Variants in CEP128 observed in about 807,000 individuals in gnomAD.
CEP128 encodes the protein centrosomal protein 128.
Under a neutral mutation model 156.7 loss-of-function variants are expected in CEP128, and 132 were observed. The observed-to-expected ratio is 0.84, with a 90% CI of 0.73 to 0.97. CEP128 has a LOEUF of 0.97. Among genes scored for constraint, CEP128 ranks in the 50% least tolerant of loss-of-function variants. The pLI is 0.00. For missense variants in CEP128, 1,252 were observed against 1,281.9 expected, an observed-to-expected ratio of 0.98 and a Z score of 0.36; for synonymous variants, 469 against 448.9, an observed-to-expected ratio of 1.04 and a Z score of -0.57.
intron 8 of CEP128, among the ~76,000 whole-genome samples, chr14:80,888,054 A>T (rs967020178): frequency 2.6e-5 from 4 of 152,206 alleles, no homozygotes; most frequent in African/African-American, 9.6e-5. Context: ...TCCTGGACAC[A>T]AACACCCTCC....
intron 19 of CEP128, among the ~76,000 whole-genome samples, chr14:80,610,704 C>G (rs189778034): frequency 6.6e-6 from 1 of 152,226 alleles, no homozygotes; most frequent in Non-Finnish European, 1.5e-5. Context: ...ATTCCACAGC[C>G]ATACTTTCAC....
intron 13 of CEP128, among the ~76,000 whole-genome samples, chr14:80,805,924 A>T (rs901520292): frequency 4.6e-5 from 7 of 152,214 alleles, no homozygotes; most frequent in Admixed American, 2.0e-4. Context: ...TTAACATTTT[A>T]GTCAATTCTT....
intron 4 of CEP128, among the ~76,000 whole-genome samples, chr14:80,913,826 A>G (rs765840665): frequency 6.6e-6 from 1 of 152,204 alleles, no homozygotes; most frequent in Admixed American, 6.5e-5. Flanking sequence ...TACATTGTAC[A>G]CTATTTGGAT....
rs528919981 is a variant in CEP128, at chr14:80,583,583, T to C, written c.2807-3160A>G. On this transcript the variant is annotated intron_variant, in intron 19 of 24. Coordinates refer to ENST00000555265, the MANE Select transcript of CEP128 (RefSeq NM_152446.5). Reference sequence around the variant, plus strand: ...TTTCTCCTTCTGAAGCCACACCTTATATTAGCCTGGTGTTTCGAAGTCTGT... The same window carrying C: ...TTTCTCCTTCTGAAGCCACACCTTACATTAGCCTGGTGTTTCGAAGTCTGT... Among the ~76,000 whole-genome samples, 9 of 152,310 alleles carry C rather than the reference T, an allele frequency of 5.9e-5. 1 individual carries two copies. In the South Asian group the frequency reaches 1.9e-3, roughly 32 times the overall value.
intron 19 of CEP128, among the ~76,000 whole-genome samples, chr14:80,617,792 C>T (rs1445755686): frequency 6.6e-6 from 1 of 152,150 alleles, no homozygotes; most frequent in Admixed American, 6.5e-5. Context: ...TGGCGAGACC[C>T]TGTCTCCACA....
At chr14:80,515,873 G>T (rs1043423647) in intron 23 of CEP128, among the ~76,000 whole-genome samples, 1 of 152,072 alleles carries the variant, frequency 6.6e-6, no homozygotes, top group Non-Finnish European at 1.5e-5. Flanking sequence ...TACCACTTAC[G>T]TTTTTTCTTT....
chr14:80,746,788 C>G (rs1899124411), intron 18 of CEP128, among the ~76,000 whole-genome samples: 1 of 152,086 alleles, frequency 6.6e-6, no homozygotes, highest in African/African-American at 2.4e-5. Flanking sequence ...CCACTACCAA[C>G]AAAAAGAAGA....
At chr14:80,590,021 T>C (rs1266635352) in intron 19 of CEP128, among the ~76,000 whole-genome samples, 1 of 152,038 alleles carries the variant, frequency 6.6e-6, no homozygotes, top group African/African-American at 2.4e-5. Flanking sequence ...TAATGCCAAC[T>C]CAGGAATCCG....
At chr14:80,698,088 C>A (rs1471641378) in intron 19 of CEP128, among the ~76,000 whole-genome samples, 2 of 151,910 alleles carry the variant, frequency 1.3e-5, no homozygotes, top group Non-Finnish European at 2.9e-5. Flanking sequence ...CATCAAATTT[C>A]TATTAAATTC....
intron 21 of CEP128, among the ~76,000 whole-genome samples, chr14:80,540,546 C>G (rs566894570): frequency 3.2e-4 from 49 of 152,244 alleles, no homozygotes; most frequent in Admixed American, 1.1e-3. Context: ...GGTTTTAGAG[C>G]CTTTTTGGCC....
At chr14:80,822,944 G>A (rs749756495) in intron 13 of CEP128, 8 of 461,664 alleles carry the variant, frequency 1.7e-5, no homozygotes, top group Middle Eastern at 7.0e-4. Context: ...TTGTTTTTGG[G>A]GGAAGGGGCA....
intron 19 of CEP128, among the ~76,000 whole-genome samples, chr14:80,626,823 G>A (rs1893750407): frequency 6.6e-6 from 1 of 152,088 alleles, no homozygotes; most frequent in African/African-American, 2.4e-5. Flanking sequence ...CCAGCTACTT[G>A]GGAGGCTGAG....
intron 19 of CEP128, among the ~76,000 whole-genome samples, chr14:80,581,957 G>C (rs1318223492): frequency 6.6e-6 from 1 of 152,184 alleles, no homozygotes; most frequent in East Asian, 1.9e-4. Context: ...TATAGCTGAA[G>C]TAACTCTGTT....
At chr14:80,553,016 C>T (rs540920429) in intron 21 of CEP128, among the ~76,000 whole-genome samples, 69 of 151,914 alleles carry the variant, frequency 4.5e-4, no homozygotes, top group African/African-American at 1.6e-3. Context: ...AAATACTCAA[C>T]AATTTTTTTG....
rs1443148916 is a variant in CEP128, at chr14:80,862,879, T to C, written c.646-6A>G. Reference sequence around the variant, plus strand: ...CGCTCCACCCGATCTGAAACCTTAATAAGAATTCAGAGAAACAGCAGCATT... The same window carrying C: ...CGCTCCACCCGATCTGAAACCTTAACAAGAATTCAGAGAAACAGCAGCATT... On this transcript the variant is annotated splice_polypyrimidine_tract_variant and splice_region_variant and intron_variant, in intron 8 of 24. Transcript: ENST00000555265. The C allele has an allele frequency of 6.2e-7, 1 of 1,606,410 alleles. No homozygotes were observed. The highest frequency in any genetic ancestry group is 1.3e-5 in the African/African-American group (1 of 74,740).
intron 2 of CEP128, among the ~76,000 whole-genome samples, chr14:80,918,790 A>G (rs12323870): frequency 0.064 from 9,778 of 152,216 alleles, 1,045 homozygotes; most frequent in African/African-American, 0.22. Flanking sequence ...ATATCAAATA[A>G]TAATATAAAA....
chr14:80,825,161 G>A (rs755826365), intron 13 of CEP128, among the ~76,000 whole-genome samples: 8 of 152,220 alleles, frequency 5.3e-5, no homozygotes, highest in South Asian at 2.1e-4. Context: ...ACCTCCAACC[G>A]GGTCCCTCCC....
At chr14:80,634,302 T>A (rs1176629585) in intron 19 of CEP128, among the ~76,000 whole-genome samples, 1 of 152,228 alleles carries the variant, frequency 6.6e-6, no homozygotes, top group Non-Finnish European at 1.5e-5. Context: ...TGAGTGAGTC[T>A]TTAATGTTTT....
chr14:80,820,109 AT>A (rs1885085144), intron 13 of CEP128, among the ~76,000 whole-genome samples: 1 of 152,304 alleles, frequency 6.6e-6, no homozygotes, highest in East Asian at 1.9e-4. Flanking sequence ...TTTGTAGTTG[AT>A]TCTTTTTATA....
Sources: gnomAD v4.1 joint callset for allele counts (sites outside exome capture counted in the v4.1 genomes callset) on GRCh38, gnomAD v4.1.1 for gene constraint, MANE v1.5 for transcripts, NCBI Gene and HGNC (gene_info 2026-07-23, HGNC 2026-07-21) for gene names.